GSDME: variants seen among roughly 807,000 people sequenced by gnomAD.
The protein encoded by GSDME is gasdermin-E.
Under a neutral mutation model 47.5 loss-of-function variants are expected in GSDME, and 44 were observed. The observed-to-expected ratio is 0.93, with a 90% CI of 0.73 to 1.19. GSDME has a LOEUF of 1.19. GSDME is among the 50% of genes most tolerant of loss of function. The pLI is 0.00. For synonymous variants in GSDME, 258 were observed against 252.8 expected, an observed-to-expected ratio of 1.02 and a Z score of -0.20; for missense variants, 663 against 604.2, an observed-to-expected ratio of 1.10 and a Z score of -1.02.
chr7:24,701,151 A>C (rs139493660), intron 9 of GSDME, among the ~76,000 whole-genome samples: 2 of 152,340 alleles, frequency 1.3e-5, no homozygotes, highest in African/African-American at 4.8e-5. Context: ...GTTTTAAGTA[A>C]ATCCCTTAAA....
the GSDME span, among the ~76,000 whole-genome samples, chr7:24,777,515 T>C: frequency 1.3e-5 from 2 of 152,178 alleles, no homozygotes; most frequent in African/African-American, 4.8e-5. Context: ...CTGGCACATT[T>C]TGGAGCCAAC....
chr7:24,703,453 G>A (rs189999265), intron 8 of GSDME: 102 of 166,272 alleles, frequency 6.1e-4, no homozygotes, highest in African/African-American at 2.3e-3. Context: ...CCAGGGAAGG[G>A]AATGCCAGAT....
At chr7:24,708,056 T>G in intron 7 of GSDME, 71 bp downstream of exon 7, 1 of 1,593,518 alleles carries the variant, frequency 6.3e-7, no homozygotes, top group South Asian at 1.1e-5. Flanking sequence ...TTAACACAAT[T>G]CCATCCTGCC....
chr7:24,786,112 G>A, the GSDME span, among the ~76,000 whole-genome samples: 1 of 152,302 alleles, frequency 6.6e-6, no homozygotes, highest in African/African-American at 2.4e-5. The surrounding 1 kb of genome is among the most constrained non-coding windows in gnomAD (Gnocchi z 5.5). Context: ...TAGAGTGGCA[G>A]TATAGAGCTT....
At chr7:24,709,562 C>T (rs77391597) in intron 6 of GSDME, among the ~76,000 whole-genome samples, 5,852 of 152,132 alleles carry the variant, frequency 0.038, 156 homozygotes, top group Non-Finnish European at 0.057. Context: ...GCACACGGAG[C>T]GGTTCCTAGC....
chr7:24,775,950 T>A, the GSDME span, among the ~76,000 whole-genome samples: 1 of 131,926 alleles, frequency 7.6e-6, no homozygotes, highest in African/African-American at 2.9e-5. Context: ...GAGGCTGAGG[T>A]GGGCTGATTG....
upstream of GSDME, among the ~76,000 whole-genome samples, chr7:24,760,378 T>C (rs1791148736): frequency 6.6e-6 from 1 of 152,232 alleles, no homozygotes; most frequent in Non-Finnish European, 1.5e-5. This position sits in a 1 kb window ranked among gnomAD's most constrained non-coding sequence, Gnocchi z 4.2. Flanking sequence ...TTCAGATTAA[T>C]AACCTCTGCA....
At chr7:24,741,316 A>G (rs556439766) in intron 3 of GSDME, among the ~76,000 whole-genome samples, 1 of 152,312 alleles carries the variant, frequency 6.6e-6, no homozygotes, top group East Asian at 1.9e-4. Context: ...AGCTTATTAA[A>G]CACAAAAATG....
At chr7:24,776,180 C>CAAAAAAAAAAAAAAAAAAAA in the GSDME span, among the ~76,000 whole-genome samples, 1 of 70,710 alleles carries the variant, frequency 1.4e-5, no homozygotes, top group Admixed American at 1.7e-4. Context: ...AACTCCATCT[C>CAAAAAAAAAAAAAAAAAAAA]AAAAAAAAAA....
chr7:24,742,435 G>A lies in GSDME; in HGVS notation c.404+2127C>T, dbSNP rs1469302883. 1.3e-5 allele frequency among the ~76,000 whole-genome samples: 2 copies of A among 152,168 alleles called. No individual in the cohort carries two copies. Among genetic ancestry groups the A allele is most frequent in the Non-Finnish European group, 2.9e-5 (2 of 68,030 alleles). On this transcript the variant is annotated intron_variant, in intron 3 of 9. Coordinates refer to ENST00000645220, the MANE Select transcript of GSDME (RefSeq NM_001127453.2). The surrounding 1 kb of genome is among the most constrained non-coding windows in gnomAD (Gnocchi z 4.4). ...CTACATATAAAGTGCCTGGCACACA[G>A]TAGGTGCTCTGCGGATGCTCCTTTC... is the stretch of plus-strand genomic sequence containing the variant.
chr7:24,772,088 A>C, the GSDME span, among the ~76,000 whole-genome samples: 1 of 152,170 alleles, frequency 6.6e-6, no homozygotes, highest in Non-Finnish European at 1.5e-5. This position sits in a 1 kb window ranked among gnomAD's most constrained non-coding sequence, Gnocchi z 4.5. Flanking sequence ...GAATTCTCCC[A>C]TTGCTCCTAA....
At position 24,756,844 on chromosome 7, in the gene GSDME, C is replaced by T. The variant is rs181228519; in HGVS notation, c.-20+552G>A. On this transcript the variant is annotated intron_variant, in intron 1 of 9. Transcript: ENST00000645220. The surrounding 1 kb of genome is among the most constrained non-coding windows in gnomAD (Gnocchi z 4.2). Reference sequence around the variant, plus strand: ...CCAGGCACACCGAGTGGGGCTTGGCCTCCTCCCCAAGCTAGGAGCTCTCTA... The same window carrying T: ...CCAGGCACACCGAGTGGGGCTTGGCTTCCTCCCCAAGCTAGGAGCTCTCTA... Among the ~76,000 whole-genome samples, 2 of 152,296 alleles carry T rather than the reference C, an allele frequency of 1.3e-5. No homozygotes were observed. The highest frequency in any genetic ancestry group is 4.8e-5 in the African/African-American group (2 of 41,576).
At chr7:24,699,376 T>C (rs1351995547) in intron 9 of GSDME, 117 bp from the exon 10 acceptor site, 4 of 748,648 alleles carry the variant, frequency 5.3e-6, no homozygotes, top group African/African-American at 1.7e-5. Flanking sequence ...GGAGTCTTGC[T>C]CTGTCGTCCA....
intron 3 of GSDME, among the ~76,000 whole-genome samples, chr7:24,737,047 A>G (rs1790329120): frequency 6.6e-6 from 1 of 152,128 alleles, no homozygotes; most frequent in Non-Finnish European, 1.5e-5. Context: ...ACATAAATCA[A>G]AAAAGTAGAA....
At chr7:24,787,949 C>A in the GSDME span, among the ~76,000 whole-genome samples, 1 of 152,184 alleles carries the variant, frequency 6.6e-6, no homozygotes, top group African/African-American at 2.4e-5. This position sits in a 1 kb window ranked among gnomAD's most constrained non-coding sequence, Gnocchi z 5.0. Flanking sequence ...TTGTGACCTG[C>A]CCACCTCGGC....
At chr7:24,789,814 T>C in the GSDME span, among the ~76,000 whole-genome samples, 3 of 152,218 alleles carry the variant, frequency 2.0e-5, no homozygotes, top group Admixed American at 2.0e-4. Flanking sequence ...CCATGTCTTC[T>C]TGTAGGACAG....
chr7:24,722,216 G>GT (rs1482244059), intron 3 of GSDME, among the ~76,000 whole-genome samples: 2 of 152,134 alleles, frequency 1.3e-5, no homozygotes, highest in Non-Finnish European at 2.9e-5. Flanking sequence ...AACTTGTGAG[G>GT]TTTTTTCCTC....
In GSDME at chr7:24,749,769, A is replaced by G; in HGVS notation, c.6T>C (p.Phe2=). 6.2e-7 allele frequency: 1 copy of G among 1,612,866 alleles called. No homozygotes were observed. The highest frequency in any genetic ancestry group is 8.5e-7 in the Non-Finnish European group (1 of 1,178,956). The change falls in exon 2 of 10, where the codon TTT becomes TTC. Residue 2 remains phenylalanine, a synonymous_variant. Coordinates refer to ENST00000645220, the MANE Select transcript of GSDME (RefSeq NM_001127453.2). M[F]AKATRNFLRE... ...TAAGAAAATTCCTGGTTGCTTTGGC[A>G]AACATTTTGAAAGCTCCAGATTATC...
rs1261178265 is a variant in GSDME at position 24,717,241 on chromosome 7, A to T, written c.697+13T>A. 6.9e-7 allele frequency: 1 copy of T among 1,439,272 alleles called. No individual in the cohort carries two copies. 89.2% of individuals were successfully genotyped at this position (1,439,272 alleles called of 1,614,324 possible). The stretch of plus-strand genomic sequence containing the variant: ...CTGGGGATCCCTCAGCACCCATAGG[A>T]GGTGGCACTCACCGAACTGGCCGTC... On this transcript the variant is annotated intron_variant, in intron 5 of 9. Coordinates refer to ENST00000645220, the MANE Select transcript of GSDME (RefSeq NM_001127453.2).
Sources: gnomAD v4.1 joint callset for allele counts (sites outside exome capture counted in the v4.1 genomes callset) on GRCh38, gnomAD v4.1.1 for gene constraint, Gnocchi (gnomAD v3.1) non-coding constraint, MANE v1.5 for transcripts, NCBI Gene and HGNC (gene_info 2026-07-23, HGNC 2026-07-21) for gene names.